The following ZBTB25 variants were observed in gnomAD, a reference collection of about 807,000 sequenced individuals.
ZBTB25 encodes the protein zinc finger and BTB domain-containing protein 25.
ZBTB25 carries 20 observed loss-of-function variants against 34.2 expected under a neutral mutation model. The ratio of observed to expected loss-of-function variants is 0.58; its 90% CI spans 0.41 to 0.85. ZBTB25 has a LOEUF of 0.85. Among genes scored for constraint, ZBTB25 ranks in the 40% least tolerant of loss-of-function variants. The probability of loss-of-function intolerance (pLI) is 0.00; values close to 1 mark genes in which losing one functional copy is unlikely to be tolerated. For missense variants in ZBTB25, 437 were observed against 521.8 expected (o/e 0.84, Z 1.58); for synonymous variants, 175 against 186.4 (o/e 0.94, Z 0.50).
rs919299499 is a variant in ZBTB25, at chr14:64,483,208, A to G, written c.*3715T>C. Reference sequence around the variant, plus strand: ...ATCATTATGCAAACTGCACTATACTATTAGGATACTGGCTAACAGTATAGC... The same window carrying G: ...ATCATTATGCAAACTGCACTATACTGTTAGGATACTGGCTAACAGTATAGC... On this transcript the variant is annotated 3_prime_UTR_variant, in exon 3 of 3. Transcript: ENST00000608382. The G allele has an allele frequency of 1.3e-5, 2 of 152,188 alleles. No homozygotes were observed. The allele number at this position is 152,188 out of a possible 1,614,324, so 9.4% of individuals were successfully genotyped here. A position where few individuals can be genotyped will look rare whatever the true frequency, so the allele number is the denominator to read the frequency against.
In ZBTB25 at chr14:64,458,591, A is replaced by C. The variant is rs1215376148; in HGVS notation, c.174-8953T>G. ...TCCAATAAACTACAGAGGAAACTAC[A>C]GGAGAGGTTAGACTCCCTCTGCTGA... On this transcript the variant is annotated intron_variant, in intron 2 of 2. Transcript: ENST00000555220. 3 of 455,564 alleles carry C rather than the reference A, an allele frequency of 6.6e-6. No homozygotes were observed. In the East Asian group the frequency reaches 1.4e-4, roughly 21 times the overall value. 28.2% of individuals were successfully genotyped at this position (455,564 alleles called of 1,614,324 possible). A position where few individuals can be genotyped will look rare whatever the true frequency, so the allele number is the denominator to read the frequency against.
intron 1 of ZBTB25, chr14:64,503,008 C>T (rs2079547795): frequency 3.0e-6 from 3 of 985,306 alleles, no homozygotes. Flanking sequence ...ACTGTTGAAA[C>T]ATGCTAGGTG....
At chr14:64,456,171 A>G (rs2078470053) in intron 2 of ZBTB25, among the ~76,000 whole-genome samples, 2 of 152,128 alleles carry the variant, frequency 1.3e-5, no homozygotes, top group Non-Finnish European at 1.5e-5. Flanking sequence ...CAGGCCAGTG[A>G]GAGTCAGGCT....
chr14:64,504,253 G>A (rs1163863303), upstream of ZBTB25, among the ~76,000 whole-genome samples: 1 of 151,764 alleles, frequency 6.6e-6, no homozygotes, highest in African/African-American at 2.4e-5. Flanking sequence ...GCCCACGGAA[G>A]GTGGGGTCGG....
chr14:64,450,714 G>GT (rs966630758), intron 2 of ZBTB25, among the ~76,000 whole-genome samples: 12 of 151,910 alleles, frequency 7.9e-5, no homozygotes, highest in African/African-American at 2.4e-4. Context: ...TTTTTGTTTT[G>GT]TTTTTTGTTT....
chr14:64,502,658 C>A, intron 1 of ZBTB25: 7 of 985,412 alleles, frequency 7.1e-6, no homozygotes, highest in Non-Finnish European at 7.2e-6. Context: ...ATGACCTCCG[C>A]CGGATACATT....
rs2078783068 is a variant in ZBTB25 at position 64,480,927 on chromosome 14, ACCACACC to A, written c.*5989_*5995del. The A allele has an allele frequency of 6.9e-6, 1 of 145,754 alleles. No homozygotes were observed. The allele number at this position is 145,754 out of a possible 1,614,324, so 9.0% of individuals were successfully genotyped here. ...AGTGCTGGGATTACAGGTGTGAGCC[ACCACACC>A]CTGCCTTTTTTTTTTTGAGACGGAG... On this transcript the variant is annotated 3_prime_UTR_variant, in exon 3 of 3. Transcript: ENST00000608382.
chr14:64,459,070 T>C (rs2078521480), intron 2 of ZBTB25, among the ~76,000 whole-genome samples: 1 of 152,080 alleles, frequency 6.6e-6, no homozygotes, highest in Non-Finnish European at 1.5e-5. Context: ...TTTTAGACAA[T>C]GGAGGAGTGT....
At chr14:64,503,254 G>A in intron 1 of ZBTB25, 1 of 985,464 alleles carries the variant, frequency 1.0e-6, no homozygotes, top group Non-Finnish European at 1.2e-6. Context: ...AGTAGCCGCA[G>A]CGTCCTCCCA....
chr14:64,464,036 A>AT (rs3062428), intron 2 of ZBTB25, among the ~76,000 whole-genome samples: 2,236 of 145,466 alleles, frequency 0.015, 24 homozygotes, highest in African/African-American at 0.029. Context: ...GGCTGACTGA[A>AT]TTTTTTTTTT....
chr14:64,475,299 C>T (rs1285256520), downstream of ZBTB25, among the ~76,000 whole-genome samples: 2 of 151,956 alleles, frequency 1.3e-5, no homozygotes, highest in African/African-American at 4.8e-5. Context: ...ATTAGCCAGG[C>T]GTGGTGGCGG....
chr14:64,504,076 C>T (rs2079591674), upstream of ZBTB25: 1 of 152,300 alleles, frequency 6.6e-6, no homozygotes, highest in Admixed American at 6.5e-5. Context: ...GGCACCCCCT[C>T]AGTTCTGGGG....
intron 2 of ZBTB25, chr14:64,472,036 G>A (rs1391177581): frequency 1.2e-5 from 2 of 166,412 alleles, no homozygotes; most frequent in Non-Finnish European, 2.9e-5. Context: ...GGGGAGGAGG[G>A]TGGAAATCCT....
chr14:64,485,807 G>A lies in ZBTB25; in HGVS notation c.*1116C>T, dbSNP rs547400777. The A allele has an allele frequency of 9.3e-5, 92 of 985,348 alleles. No individual in the cohort carries two copies. Among genetic ancestry groups the A allele is most frequent in the Non-Finnish European group, 1.1e-4 (89 of 829,898 alleles). The allele number at this position is 985,348 out of a possible 1,614,324, so 61.0% of individuals were successfully genotyped here. A position where few individuals can be genotyped will look rare whatever the true frequency, so the allele number is the denominator to read the frequency against. ...TTATCATCATTCTCTTTCAACTCAT[G>A]TAAACCTCTGGTCATAAAATCTCAA... On this transcript the variant is annotated 3_prime_UTR_variant, in exon 3 of 3. Coordinates refer to ENST00000608382, the MANE Select transcript of ZBTB25 (RefSeq NM_006977.5).
intron 2 of ZBTB25, chr14:64,468,812 AATC>A (rs751048075): frequency 1.2e-6 from 2 of 1,614,224 alleles, no homozygotes; most frequent in Non-Finnish European, 1.7e-6. Context: ...AAAAAGGAGT[AATC>A]ATTCCAAAAT....
chr14:64,501,587 G>C (rs901046654), intron 1 of ZBTB25, among the ~76,000 whole-genome samples: 1 of 152,154 alleles, frequency 6.6e-6, no homozygotes, highest in Non-Finnish European at 1.5e-5. Flanking sequence ...TTAAAACAAG[G>C]AAAAACCCTG....
chr14:64,449,778 C>A, intron 2 of ZBTB25: 3 of 813,724 alleles, frequency 3.7e-6, no homozygotes, highest in African/African-American at 1.7e-5. Context: ...CCTGGACTCC[C>A]AGCTGTAGAC....
At chr14:64,473,207 T>C (rs1318106785), downstream of ZBTB25, 1 of 167,038 alleles carries the variant, frequency 6.0e-6, no homozygotes, top group Non-Finnish European at 1.5e-5. Flanking sequence ...CCCGGTAACA[T>C]TTAAGTAAAG....
chr14:64,467,350 T>C (rs1235090579), intron 2 of ZBTB25: 1 of 152,230 alleles, frequency 6.6e-6, no homozygotes, highest in Non-Finnish European at 1.5e-5. Flanking sequence ...CACTGCCTAA[T>C]ACCCAAGAAT....
Sources: gnomAD v4.1 joint callset for allele counts (sites outside exome capture counted in the v4.1 genomes callset) on GRCh38, gnomAD v4.1.1 for gene constraint, MANE v1.5 for transcripts, NCBI Gene and HGNC (gene_info 2026-07-23, HGNC 2026-07-21) for gene names.